The following PTCHD4 variants were observed in gnomAD, a reference collection of about 807,000 sequenced individuals.
PTCHD4 encodes patched domain-containing protein 4.
A neutral mutation model predicts 58.1 loss-of-function variants in PTCHD4; 33 were observed. The ratio of observed to expected loss-of-function variants is 0.57; its 90% CI spans 0.43 to 0.76. PTCHD4 has a LOEUF of 0.76. PTCHD4 is among the 30% of genes least tolerant of loss of function. The pLI is 0.00. For missense variants in PTCHD4, 1,058 were observed against 1,027.1 expected (o/e 1.03, Z -0.41); for synonymous variants, 478 against 409.6 (o/e 1.17, Z -2.02).
At chr6:47,987,102 G>A (rs1385341928) in intron 4 of PTCHD4, among the ~76,000 whole-genome samples, 1 of 151,958 alleles carries the variant, frequency 6.6e-6, no homozygotes, top group Non-Finnish European at 1.5e-5. Flanking sequence ...GATTAAAATG[G>A]AAGATAATGA....
At chr6:47,933,379 T>C (rs762705494) in intron 4 of PTCHD4, among the ~76,000 whole-genome samples, 4 of 152,334 alleles carry the variant, frequency 2.6e-5, no homozygotes, top group Middle Eastern at 3.4e-3. Context: ...CAAGAAAGAG[T>C]TCTGTGTCCA....
intron 4 of PTCHD4, among the ~76,000 whole-genome samples, chr6:47,994,252 G>C (rs975830999): frequency 6.6e-6 from 1 of 152,200 alleles, no homozygotes; most frequent in Admixed American, 6.5e-5. Flanking sequence ...TGGCAATGGA[G>C]AGGGAAAACA....
At chr6:48,078,923 C>G (rs1429251790) in intron 1 of PTCHD4, among the ~76,000 whole-genome samples, 1 of 151,892 alleles carries the variant, frequency 6.6e-6, no homozygotes, top group Admixed American at 6.6e-5. Flanking sequence ...TCGAGACCAT[C>G]GTGGCTAACA....
chr6:47,996,544 C>G (rs565161152), intron 4 of PTCHD4, among the ~76,000 whole-genome samples: 2 of 152,102 alleles, frequency 1.3e-5, no homozygotes, highest in African/African-American at 2.4e-5. Context: ...AGTTGGAGAA[C>G]AGCTAGCAGA....
intron 4 of PTCHD4, among the ~76,000 whole-genome samples, chr6:47,935,006 T>C (rs1765950438): frequency 1.3e-5 from 2 of 152,202 alleles, no homozygotes; most frequent in African/African-American, 4.8e-5. Flanking sequence ...CAAAATAGGG[T>C]TGAAAAATAT....
intron 4 of PTCHD4, among the ~76,000 whole-genome samples, chr6:47,965,928 A>G (rs1487291032): frequency 6.6e-6 from 1 of 152,118 alleles, no homozygotes; most frequent in East Asian, 1.9e-4. Flanking sequence ...AAAACCAAAA[A>G]CAAACAAACA....
intron 3 of PTCHD4, among the ~76,000 whole-genome samples, chr6:48,015,477 A>AT (rs1010617162): frequency 5.3e-5 from 8 of 151,508 alleles, no homozygotes; most frequent in African/African-American, 1.5e-4. Flanking sequence ...TGCTCCAACT[A>AT]TTTTTTTTAA....
intron 1 of PTCHD4, among the ~76,000 whole-genome samples, chr6:48,090,764 A>C (rs2113902005): frequency 6.6e-6 from 1 of 152,322 alleles, no homozygotes; most frequent in African/African-American, 2.4e-5. Context: ...AATCATTAAA[A>C]GAAGACACAT....
At chr6:48,057,449 A>G (rs1764452227) in intron 3 of PTCHD4, among the ~76,000 whole-genome samples, 1 of 152,182 alleles carries the variant, frequency 6.6e-6, no homozygotes, top group Admixed American at 6.5e-5. Flanking sequence ...CTATTAGTTC[A>G]TTAGACACAT....
chr6:47,887,081 T>C lies in PTCHD4; in HGVS notation c.899-7145A>G, dbSNP rs558638337. The stretch of plus-strand genomic sequence containing the variant: ...ATGGTAAATGCTCAATAAATGTTTT[T>C]AAAACTGAATTGGCCATGATCTACA... On this transcript the variant is annotated intron_variant, in intron 4 of 4. Transcript: ENST00000339488. Among the ~76,000 whole-genome samples, 85 of 152,278 alleles carry C rather than the reference T, an allele frequency of 5.6e-4. 2 individuals are homozygous for C. In the South Asian group the frequency reaches 0.017, roughly 30 times the overall value.
At chr6:47,961,000 G>C (rs573034846) in intron 4 of PTCHD4, among the ~76,000 whole-genome samples, 2 of 140,338 alleles carry the variant, frequency 1.4e-5, no homozygotes, top group African/African-American at 5.3e-5. Flanking sequence ...GTCTTGCTCT[G>C]TTGCCCAGGC....
At chr6:48,106,745 T>A (rs1325923403) in intron 1 of PTCHD4, among the ~76,000 whole-genome samples, 1 of 152,134 alleles carries the variant, frequency 6.6e-6, no homozygotes, top group Non-Finnish European at 1.5e-5. Flanking sequence ...ATAAGCAACT[T>A]CAGCAGTCTC....
intron 3 of PTCHD4, among the ~76,000 whole-genome samples, chr6:48,032,681 G>C (rs1408110017): frequency 6.6e-6 from 1 of 152,100 alleles, no homozygotes. Context: ...TAAAGCTACA[G>C]TATTTCTGAG....
Position 48,016,899 on chromosome 6 carries a change from G to A in PTCHD4, c.418-7785C>T, listed in dbSNP as rs192103966. Among the ~76,000 whole-genome samples, 794 of 151,892 alleles carry A rather than the reference G, an allele frequency of 5.2e-3. 3 individuals carry two copies. The highest frequency in any genetic ancestry group is 8.6e-3 in the Non-Finnish European group (585 of 68,036). The stretch of plus-strand genomic sequence containing the variant: ...AGTATTTGTTCCTCCTATGTACTAG[G>A]TTGGCATTCAGACACTTTCTGTGAC... On this transcript the variant is annotated intron_variant, in intron 3 of 4. Coordinates refer to ENST00000339488, the MANE Select transcript of PTCHD4 (RefSeq NM_001384253.1).
At chr6:47,993,069 C>A (rs1369624693) in intron 4 of PTCHD4, among the ~76,000 whole-genome samples, 1 of 152,060 alleles carries the variant, frequency 6.6e-6, no homozygotes, top group Non-Finnish European at 1.5e-5. Context: ...GGCACCATGG[C>A]ACGAAACAAG....
intron 4 of PTCHD4, among the ~76,000 whole-genome samples, chr6:47,964,444 A>C (rs1419211964): frequency 6.6e-6 from 1 of 152,196 alleles, no homozygotes; most frequent in African/African-American, 2.4e-5. Flanking sequence ...AGTGATACAC[A>C]GATCCCTTTT....
intron 4 of PTCHD4, among the ~76,000 whole-genome samples, chr6:47,941,851 GA>G (rs1287667199): frequency 6.6e-6 from 1 of 152,062 alleles, no homozygotes; most frequent in Non-Finnish European, 1.5e-5. Flanking sequence ...TTAATTAAAA[GA>G]AATACACATT....
At position 47,894,644 on chromosome 6, in the gene PTCHD4, G is replaced by C. The variant is rs531778600; in HGVS notation, c.899-14708C>G. 1.6e-3 allele frequency among the ~76,000 whole-genome samples: 251 copies of C among 152,258 alleles called. 1 individual carries two copies. The highest frequency in any genetic ancestry group is 5.8e-3 in the African/African-American group (239 of 41,554). On this transcript the variant is annotated intron_variant, in intron 4 of 4. Transcript: ENST00000339488. Reference sequence around the variant, plus strand: ...GGATGAACATTCATTTGGGGTCTTGGCTATATACTCACAGTATATCAAAAT... The same window carrying C: ...GGATGAACATTCATTTGGGGTCTTGCCTATATACTCACAGTATATCAAAAT...
intron 4 of PTCHD4, among the ~76,000 whole-genome samples, chr6:47,903,853 G>A (rs531802512): frequency 6.6e-6 from 1 of 152,322 alleles, no homozygotes; most frequent in Non-Finnish European, 1.5e-5. Context: ...AGCATCTGGG[G>A]TGTGAGTGGT....
Sources: allele counts gnomAD v4.1 joint callset (sites outside exome capture counted in the v4.1 genomes callset), GRCh38; gene constraint gnomAD v4.1.1; transcripts MANE v1.5; gene names NCBI Gene and HGNC (gene_info 2026-07-23, HGNC 2026-07-21).